The following TSEN2 variants were observed in gnomAD, a reference collection of about 807,000 sequenced individuals.
The protein encoded by TSEN2 is tRNA splicing endonuclease subunit 2, also known as tRNA-splicing endonuclease subunit Sen2.
TSEN2 carries 54 observed loss-of-function variants against 59.2 expected under a neutral mutation model. The observed-to-expected ratio is 0.91, with a 90% CI of 0.73 to 1.14. The LOEUF is 1.14. Ranked by LOEUF, TSEN2 falls within the 50% of genes most tolerant of loss-of-function variation. The pLI, the probability that TSEN2 is intolerant of heterozygous loss-of-function variation, is 0.00. For synonymous variants in TSEN2, 195 were observed against 198.2 expected (o/e 0.98, Z 0.14); for missense variants, 636 against 576.2 (o/e 1.10, Z -1.06).
intron 6 of TSEN2, chr3:12,506,829 C>G (rs1363855330): frequency 1.0e-6 from 1 of 985,244 alleles, no homozygotes; most frequent in Non-Finnish European, 1.2e-6. Context: ...TGGTTCTTGG[C>G]ATACAGGTAG....
chr3:12,496,583 CA>C (rs1559289179), intron 4 of TSEN2, 29 bp downstream of exon 4: 4 of 1,612,954 alleles, frequency 2.5e-6, no homozygotes, highest in Non-Finnish European at 3.4e-6. Context: ...TGGCTTCTGT[CA>C]AAATGATGGT....
chr3:12,510,597 C>T (rs1179337378), intron 6 of TSEN2, among the ~76,000 whole-genome samples: 2 of 152,172 alleles, frequency 1.3e-5, no homozygotes, highest in Non-Finnish European at 2.9e-5. Flanking sequence ...ATCTCGTTTA[C>T]GCATCGTCTT....
intron 4 of TSEN2, 52 bp downstream of exon 4, chr3:12,496,606 G>C (rs757463308): frequency 6.3e-7 from 1 of 1,593,476 alleles, no homozygotes; most frequent in Non-Finnish European, 8.6e-7. Context: ...TAAGTCAGAT[G>C]TTTTTAGGTA....
Position 12,505,198 on chromosome 3 carries a change from G to C in TSEN2, c.876G>C (p.Arg292Ser), listed in dbSNP as rs1381748230. ...TAATATGCAGAAGAAATCCATATAGGATCTTTGAGTATTTGCAACTCAGCC... is the reference window on the plus strand; with the variant it reads ...TAATATGCAGAAGAAATCCATATAGCATCTTTGAGTATTTGCAACTCAGCC... Reference protein sequence around the residue: ...NRLICRRNPYRIFEYLQLSLE... With the variant: ...NRLICRRNPYSIFEYLQLSLE... The change falls in exon 6 of 12, where the codon AGG becomes AGC. Residue 292 changes from arginine to serine, a missense_variant. Arg to Ser is a moderately radical substitution (Grantham distance 110). Transcript: ENST00000284995. The C allele has an allele frequency of 1.9e-6, 3 of 1,612,218 alleles. No homozygotes were observed. The highest frequency in any genetic ancestry group is 2.5e-6 in the Non-Finnish European group (3 of 1,178,386).
At chr3:12,539,527 A>G (rs376194019) in exon 11 of TSEN2, 15 of 167,784 alleles carry the variant, frequency 8.9e-5, no homozygotes, top group Non-Finnish European at 1.7e-4. Context: ...TCACATCCCC[A>G]CTTTCTGTAT....
At chr3:12,530,219 C>T (rs901984676) in intron 10 of TSEN2, 2 of 1,075,174 alleles carry the variant, frequency 1.9e-6, no homozygotes, top group African/African-American at 3.3e-5. Flanking sequence ...AACATTCACT[C>T]ATACACATAT....
intron 4 of TSEN2, among the ~76,000 whole-genome samples, chr3:12,500,382 G>A (rs1156747238): frequency 6.6e-6 from 1 of 152,126 alleles, no homozygotes; most frequent in African/African-American, 2.4e-5. Context: ...ACTTTTCATA[G>A]CGATCCTCTG....
intron 2 of TSEN2, among the ~76,000 whole-genome samples, chr3:12,491,486 A>G (rs1052094703): frequency 6.6e-6 from 1 of 152,212 alleles, no homozygotes; most frequent in Admixed American, 6.5e-5. Flanking sequence ...AGTGGGCAGC[A>G]TGGCTCCTGC....
chr3:12,529,934 T>C (rs1020561138), intron 10 of TSEN2, 61 bp downstream of exon 10: 6 of 1,572,444 alleles, frequency 3.8e-6, no homozygotes, highest in Non-Finnish European at 5.2e-6. Context: ...TTTTTTTTTT[T>C]CTTAAATGTA....
chr3:12,505,250 A>G lies in TSEN2; in HGVS notation c.909+19A>G, dbSNP rs2054690452. 1.3e-6 allele frequency: 2 copies of G among 1,529,126 alleles called. No individual in the cohort carries two copies. The highest frequency in any genetic ancestry group is 1.8e-6 in the Non-Finnish European group (2 of 1,102,642). The allele number at this position is 1,529,126 out of a possible 1,614,324, so 94.7% of individuals were successfully genotyped here. A position where few individuals can be genotyped will look rare whatever the true frequency, so the allele number is the denominator to read the frequency against. The stretch of plus-strand genomic sequence containing the variant: ...AGAAGAGGTATGTTTTCAACATATT[A>G]TTATTTCAGCCATCGGTCTCTGGGC... On this transcript the variant is annotated intron_variant, in intron 6 of 11. Coordinates refer to ENST00000284995, the MANE Select transcript of TSEN2 (RefSeq NM_025265.4).
chr3:12,525,918 C>A (rs2057043334), intron 8 of TSEN2, among the ~76,000 whole-genome samples: 1 of 152,112 alleles, frequency 6.6e-6, no homozygotes, highest in African/African-American at 2.4e-5. Context: ...TGCACTATGA[C>A]AGCATGATGG....
chr3:12,505,996 T>G (rs1399738695), intron 6 of TSEN2, among the ~76,000 whole-genome samples: 1 of 151,934 alleles, frequency 6.6e-6, no homozygotes, highest in African/African-American at 2.4e-5. Context: ...GATTTCAGAT[T>G]GTTAACAGAT....
intron 8 of TSEN2, among the ~76,000 whole-genome samples, chr3:12,519,459 G>C (rs1283310789): frequency 6.6e-6 from 1 of 152,184 alleles, no homozygotes; most frequent in African/African-American, 2.4e-5. Context: ...TTAGAAAAGC[G>C]TTCTGGCTGA....
At chr3:12,490,989 G>GT (rs11310322) in intron 2 of TSEN2, among the ~76,000 whole-genome samples, 8 of 151,708 alleles carry the variant, frequency 5.3e-5, no homozygotes, top group East Asian at 3.9e-4. Context: ...GTTGCTGGGT[G>GT]TTTTTTTTGT....
chr3:12,514,028 A>G (rs1192707489), intron 6 of TSEN2, among the ~76,000 whole-genome samples: 2 of 152,236 alleles, frequency 1.3e-5, no homozygotes, highest in African/African-American at 4.8e-5. Flanking sequence ...ACCCCCTTCT[A>G]GGCCAAGGGA....
chr3:12,516,630 C>T lies in TSEN2; in HGVS notation c.929C>T (p.Ala310Val), dbSNP rs1374368283. ...TTTCAGGCCTTTTTCTTGGTCTATG[C>T]TCTGGGATGTTTAAGTATTTACTAT... ...SLEEAFFLVYALGCLSIYYEK... is the reference protein window; with the variant it reads ...SLEEAFFLVYVLGCLSIYYEK... Residue 310 changes from alanine to valine, a missense_variant, in exon 7 of 12, where the codon GCT becomes GTT. By Grantham distance (64) the Ala-to-Val change is moderately conservative (BLOSUM62 0). Transcript: ENST00000284995. 1 of 1,613,868 alleles carries T rather than the reference C, an allele frequency of 6.2e-7. No homozygotes were observed. Among genetic ancestry groups the T allele is most frequent in the Admixed American group, 1.7e-5 (1 of 59,992 alleles).
intron 1 of TSEN2, among the ~76,000 whole-genome samples, chr3:12,488,193 T>C (rs2052827186): frequency 3.9e-5 from 6 of 152,214 alleles, no homozygotes; most frequent in Admixed American, 3.9e-4. Flanking sequence ...TTCTTGACTG[T>C]TTCAGGCTTG....
At chr3:12,519,629 C>T (rs2056454025) in intron 8 of TSEN2, among the ~76,000 whole-genome samples, 1 of 152,062 alleles carries the variant, frequency 6.6e-6, no homozygotes, top group African/African-American at 2.4e-5. Flanking sequence ...GTCTGTAGTC[C>T]CAGCTACTCG....
At chr3:12,529,406 C>A (rs946135417) in intron 9 of TSEN2, among the ~76,000 whole-genome samples, 2 of 142,284 alleles carry the variant, frequency 1.4e-5, no homozygotes, top group African/African-American at 5.3e-5. Flanking sequence ...GCGGAGGTTG[C>A]GGTGAGCCAA....
Sources: allele counts gnomAD v4.1 joint callset (sites outside exome capture counted in the v4.1 genomes callset), GRCh38; gene constraint gnomAD v4.1.1; transcripts MANE v1.5; gene names NCBI Gene and HGNC (gene_info 2026-07-23, HGNC 2026-07-21).